RABGAP1L: variants seen among roughly 807,000 people sequenced by gnomAD.
RABGAP1L encodes the protein rab GTPase-activating protein 1-like.
In RABGAP1L, 63 loss-of-function variants were observed where a neutral mutation model predicts 137.7. The observed-to-expected ratio is 0.46, with a 90% CI of 0.37 to 0.56. The LOEUF (loss-of-function observed/expected upper bound fraction) is 0.56. Among genes scored for constraint, RABGAP1L ranks in the 20% least tolerant of loss-of-function variants. The pLI is 0.00. For synonymous variants in RABGAP1L, 431 were observed against 433.7 expected (o/e 0.99, Z 0.08); for missense variants, 1,095 against 1,244.0 (o/e 0.88, Z 1.80).
intron 14 of RABGAP1L, among the ~76,000 whole-genome samples, chr1:174,645,098 AT>A (rs1222039769): frequency 6.6e-6 from 1 of 152,186 alleles, no homozygotes; most frequent in Non-Finnish European, 1.5e-5. Flanking sequence ...AGTACGTGAG[AT>A]GATAGATATG....
chr1:174,938,820 T>C (rs1368811632), intron 19 of RABGAP1L, among the ~76,000 whole-genome samples: 1 of 152,224 alleles, frequency 6.6e-6, no homozygotes, highest in Non-Finnish European at 1.5e-5. Flanking sequence ...AGGGCTGGGC[T>C]GGACGCATAG....
chr1:174,364,665 A>T (rs1417750150), intron 11 of RABGAP1L, among the ~76,000 whole-genome samples: 2 of 152,144 alleles, frequency 1.3e-5, no homozygotes, highest in East Asian at 3.8e-4. Context: ...GCCACAAATG[A>T]TCCTTTGAAT....
At chr1:174,934,968 ATACTT>A (rs1211328772) in intron 19 of RABGAP1L, 1 of 152,234 alleles carries the variant, frequency 6.6e-6, no homozygotes, top group Admixed American at 6.5e-5. Context: ...GATAAACAAA[ATACTT>A]TATTTACAGT....
chr1:174,352,321 C>T (rs1394822872), intron 11 of RABGAP1L, among the ~76,000 whole-genome samples: 2 of 151,756 alleles, frequency 1.3e-5, no homozygotes, highest in Non-Finnish European at 2.9e-5. Flanking sequence ...GTGACTAATT[C>T]TTTCTTCTGC....
At chr1:174,929,118 G>A (rs1448854065) in intron 19 of RABGAP1L, among the ~76,000 whole-genome samples, 2 of 152,064 alleles carry the variant, frequency 1.3e-5, no homozygotes, top group Non-Finnish European at 2.9e-5. Flanking sequence ...TAATGTAAAT[G>A]ACGAGTTAAT....
chr1:174,420,682 T>TG (rs1439087635), intron 13 of RABGAP1L, among the ~76,000 whole-genome samples: 2 of 150,480 alleles, frequency 1.3e-5, no homozygotes, highest in Admixed American at 1.3e-4. Flanking sequence ...GTTTTGTTTT[T>TG]TTTTTTTTTT....
intron 19 of RABGAP1L, among the ~76,000 whole-genome samples, chr1:174,855,674 A>T (rs987129586): frequency 6.6e-6 from 1 of 152,218 alleles, no homozygotes; most frequent in Admixed American, 6.5e-5. Context: ...AAACAAAGAC[A>T]TGGCTCTTGA....
chr1:174,557,291 G>C (rs1205424282), intron 13 of RABGAP1L, among the ~76,000 whole-genome samples: 4 of 152,188 alleles, frequency 2.6e-5, no homozygotes, highest in Non-Finnish European at 5.9e-5. Flanking sequence ...CCTTGATTGA[G>C]GCTGAGTGAT....
chr1:174,447,714 A>G (rs1031728874), intron 13 of RABGAP1L, among the ~76,000 whole-genome samples: 4 of 152,074 alleles, frequency 2.6e-5, no homozygotes, highest in African/African-American at 9.7e-5. Flanking sequence ...TCCTTTGGCA[A>G]TTCATTTTTT....
intron 13 of RABGAP1L, among the ~76,000 whole-genome samples, chr1:174,465,616 A>G (rs10912789): frequency 0.35 from 53,650 of 152,084 alleles, 12,118 homozygotes; most frequent in African/African-American, 0.64. Flanking sequence ...AGTATTCTAT[A>G]TTAAGATGCC....
At chr1:174,952,339 C>A (rs1240413243) in intron 19 of RABGAP1L, among the ~76,000 whole-genome samples, 7 of 31,726 alleles carry the variant, frequency 2.2e-4, no homozygotes, top group Non-Finnish European at 2.7e-4. Flanking sequence ...CTGGCTCTAC[C>A]AAAAAAAAAA....
At position 174,514,611 on chromosome 1, in the gene RABGAP1L, C is replaced by A. The variant is rs1406597408; in HGVS notation, c.1710+120466C>A. On this transcript the variant is annotated intron_variant, in intron 13 of 25. Transcript: ENST00000681986. ...AGGCCAAAATTACAGTCCCAGGAGC[C>A]TCAGTTTCACTGTGGAGTTTTCCCT... is the stretch of plus-strand genomic sequence containing the variant. 2.0e-5 allele frequency among the ~76,000 whole-genome samples: 3 copies of A among 152,206 alleles called. 1 individual carries two copies. The highest frequency in any genetic ancestry group is 4.4e-5 in the Non-Finnish European group (3 of 68,030).
chr1:174,837,967 T>A (rs1020636093), intron 19 of RABGAP1L, among the ~76,000 whole-genome samples: 1 of 152,184 alleles, frequency 6.6e-6, no homozygotes, highest in South Asian at 2.1e-4. Context: ...TTGACCCTAG[T>A]GAATGGATAG....
chr1:174,243,176 A>G (rs1671971845), intron 5 of RABGAP1L: 1 of 152,172 alleles, frequency 6.6e-6, no homozygotes, highest in Non-Finnish European at 1.5e-5. Flanking sequence ...TTCCATAACT[A>G]ATGGTATGAA....
At chr1:174,623,354 C>G (rs1672685896) in intron 13 of RABGAP1L, among the ~76,000 whole-genome samples, 1 of 152,188 alleles carries the variant, frequency 6.6e-6, no homozygotes, top group Non-Finnish European at 1.5e-5. Context: ...ACACTGCCCT[C>G]AGTTCTGACA....
chr1:174,327,935 C>A (rs1680581415), intron 11 of RABGAP1L, among the ~76,000 whole-genome samples: 2 of 113,562 alleles, frequency 1.8e-5, no homozygotes, highest in African/African-American at 3.3e-5. Flanking sequence ...GACAGTAGAG[C>A]AAAAGGATAT....
intron 18 of RABGAP1L, among the ~76,000 whole-genome samples, chr1:174,807,478 A>G (rs1689425903): frequency 6.6e-6 from 1 of 152,246 alleles, no homozygotes; most frequent in Admixed American, 6.5e-5. Flanking sequence ...TGTAGAGGGA[A>G]AAACCTCTTA....
At chr1:174,257,356 C>A (rs1362858346) in intron 7 of RABGAP1L, among the ~76,000 whole-genome samples, 2 of 152,160 alleles carry the variant, frequency 1.3e-5, no homozygotes, top group African/African-American at 2.4e-5. Flanking sequence ...TGCAATCCTT[C>A]CTTTTCTCAG....
At chr1:174,851,384 A>G (rs1399123192) in intron 19 of RABGAP1L, among the ~76,000 whole-genome samples, 2 of 152,168 alleles carry the variant, frequency 1.3e-5, no homozygotes, top group Non-Finnish European at 1.5e-5. Flanking sequence ...TGCCATAAGT[A>G]GAATATGCTC....
Sources: gnomAD v4.1 joint callset for allele counts (sites outside exome capture counted in the v4.1 genomes callset) on GRCh38, gnomAD v4.1.1 for gene constraint, MANE v1.5 for transcripts, NCBI Gene and HGNC (gene_info 2026-07-23, HGNC 2026-07-21) for gene names.